Variants in NXN observed in about 807,000 individuals in gnomAD.
NXN encodes nucleoredoxin.
NXN carries 16 observed loss-of-function variants against 48.6 expected under a neutral mutation model. That is an observed-to-expected ratio of 0.33 (90% CI 0.22 to 0.50). The LOEUF (loss-of-function observed/expected upper bound fraction) is 0.50, where lower values mean the gene tolerates loss of function less well. Among genes scored for constraint, NXN ranks in the 20% least tolerant of loss-of-function variants. The pLI is 0.98. For missense variants in NXN, 492 were observed against 605.5 expected (o/e 0.81, Z 1.97); for synonymous variants, 281 against 269.6 (o/e 1.04, Z -0.41).
chr17:924,196 C>T (rs2068775142), intron 1 of NXN, among the ~76,000 whole-genome samples: 1 of 151,812 alleles, frequency 6.6e-6, no homozygotes, highest in Admixed American at 6.6e-5. Flanking sequence ...GTGTGTATCA[C>T]CAAACCCGAC....
In NXN at chr17:917,370, T is replaced by C. The variant is rs184189015; in HGVS notation, c.360+61949A>G. Among the ~76,000 whole-genome samples, 3 of 152,324 alleles carry C rather than the reference T, an allele frequency of 2.0e-5. No homozygotes were observed. In the East Asian group the frequency reaches 5.8e-4, roughly 29 times the overall value. On this transcript the variant is annotated intron_variant, in intron 1 of 7. Transcript: ENST00000336868. The surrounding 1 kb of genome is among the most constrained non-coding windows in gnomAD (Gnocchi z 4.5). ...GTTGGCCAGGCTGGTCTCAATCTCT[T>C]GACCTCGTGATCCGCCTGCCTTGGC...
In NXN at chr17:978,933, C is replaced by G. The variant is rs1024214343; in HGVS notation, c.360+386G>C. On this transcript the variant is annotated intron_variant, in intron 1 of 7. Transcript: ENST00000336868. The surrounding 1 kb of genome is among the most constrained non-coding windows in gnomAD (Gnocchi z 4.1). ...CCTCTGCTCGCGGGTGAAGGGGTCG[C>G]GGAACCGGGATCCCCGAGCGCAGCC... Among the ~76,000 whole-genome samples, 17 of 150,930 alleles carry G rather than the reference C, an allele frequency of 1.1e-4. No individual in the cohort carries two copies. The highest frequency in any genetic ancestry group is 4.1e-4 in the African/African-American group (17 of 41,044).
chr17:808,672 A>C (rs1157765632), intron 5 of NXN, among the ~76,000 whole-genome samples: 5 of 115,200 alleles, frequency 4.3e-5, no homozygotes, highest in African/African-American at 6.1e-5. Flanking sequence ...ATTATTATAA[A>C]CCAGTTTTTT....
At chr17:940,803 C>T (rs555361564) in intron 1 of NXN, among the ~76,000 whole-genome samples, 1 of 151,002 alleles carries the variant, frequency 6.6e-6, no homozygotes, top group East Asian at 1.9e-4. Flanking sequence ...AAATAGATTC[C>T]AGGGTGCAGC....
chr17:967,086 C>T (rs2069314753), intron 1 of NXN, among the ~76,000 whole-genome samples: 1 of 152,098 alleles, frequency 6.6e-6, no homozygotes, highest in African/African-American at 2.4e-5. Context: ...GTAATACACC[C>T]TGATTTTTCT....
chr17:934,181 C>G (rs528366973), intron 1 of NXN, among the ~76,000 whole-genome samples: 2 of 152,078 alleles, frequency 1.3e-5, no homozygotes, highest in African/African-American at 4.8e-5. Context: ...CGCGGTGGCT[C>G]ACGCCTGTAA....
At chr17:955,912 A>AG (rs984456922) in intron 1 of NXN, among the ~76,000 whole-genome samples, 1 of 151,322 alleles carries the variant, frequency 6.6e-6, no homozygotes, top group African/African-American at 2.4e-5. Context: ...AAAAAAAAAA[A>AG]AGAGAGAGAG....
intron 1 of NXN, among the ~76,000 whole-genome samples, chr17:853,723 A>ATTTTTTTT (rs1221156589): frequency 1.9e-5 from 2 of 106,002 alleles, no homozygotes; most frequent in Admixed American, 9.9e-5. Flanking sequence ...ATATATATAT[A>ATTTTTTTT]TTTTTTTTTT....
chr17:853,415 T>G (rs1358411782), intron 1 of NXN, among the ~76,000 whole-genome samples: 1 of 151,870 alleles, frequency 6.6e-6, no homozygotes, highest in Non-Finnish European at 1.5e-5. Flanking sequence ...GCCACTGCCT[T>G]CTAACCTGGC....
rs117970408 is a variant in NXN, at chr17:936,294, C to G, written c.360+43025G>C. 8.0e-3 allele frequency among the ~76,000 whole-genome samples: 1,216 copies of G among 152,070 alleles called. 12 individuals are homozygous for G. Among genetic ancestry groups the G allele is most frequent in the Non-Finnish European group, 0.013 (871 of 67,990 alleles). On this transcript the variant is annotated intron_variant, in intron 1 of 7. Coordinates refer to ENST00000336868, the MANE Select transcript of NXN (RefSeq NM_022463.5). ...ACCAGAAACGTCCCCTGCGACAAAG[C>G]CTTTGGTTTTGCTTTGTGTTCTTCT...
intron 1 of NXN, among the ~76,000 whole-genome samples, chr17:836,101 C>T (rs1218610156): frequency 1.5e-5 from 2 of 132,526 alleles, no homozygotes; most frequent in East Asian, 5.1e-4. Flanking sequence ...CGGTGGGATT[C>T]GTCAGCCCCC....
chr17:888,916 C>T (rs2068378017), intron 1 of NXN, among the ~76,000 whole-genome samples: 2 of 148,854 alleles, frequency 1.3e-5, no homozygotes, highest in South Asian at 4.2e-4. Flanking sequence ...GATCGCACCA[C>T]TGCACTCCAG....
chr17:957,581 A>G (rs12325968), intron 1 of NXN, among the ~76,000 whole-genome samples: 10,989 of 151,576 alleles, frequency 0.072, 1,143 homozygotes, highest in African/African-American at 0.22. Flanking sequence ...GCAGTGAGCC[A>G]AGATCAAGCC....
intron 1 of NXN, among the ~76,000 whole-genome samples, chr17:884,592 GGGCTGGGGACA>G (rs1434364257): frequency 6.6e-6 from 1 of 152,144 alleles, no homozygotes; most frequent in Non-Finnish European, 1.5e-5. Flanking sequence ...AAGGGCCGTT[GGGCTGGGGACA>G]GGCTGGGACG....
At chr17:928,140 A>G (rs930182655) in intron 1 of NXN, among the ~76,000 whole-genome samples, 2 of 152,150 alleles carry the variant, frequency 1.3e-5, no homozygotes, top group Middle Eastern at 3.2e-3. Flanking sequence ...TGCCATAAGC[A>G]TGCGTCACTA....
chr17:890,362 C>A (rs1555619105), intron 1 of NXN, among the ~76,000 whole-genome samples: 1 of 152,178 alleles, frequency 6.6e-6, no homozygotes, highest in Non-Finnish European at 1.5e-5. Flanking sequence ...GATGCACCCA[C>A]AAAGAAAGAA....
chr17:973,646 C>T (rs900836006), intron 1 of NXN, among the ~76,000 whole-genome samples: 2 of 152,108 alleles, frequency 1.3e-5, no homozygotes, highest in Admixed American at 6.5e-5. Context: ...GGTCTTTCTT[C>T]GCAGTTATAA....
chr17:937,070 C>T (rs551782691), intron 1 of NXN, among the ~76,000 whole-genome samples: 25 of 152,038 alleles, frequency 1.6e-4, no homozygotes, highest in African/African-American at 5.8e-4. Flanking sequence ...GCAGCCTTTG[C>T]CTCCCGGGCT....
At chr17:943,307 G>A (rs932168363) in intron 1 of NXN, among the ~76,000 whole-genome samples, 4 of 152,032 alleles carry the variant, frequency 2.6e-5, no homozygotes, top group Admixed American at 6.6e-5. Context: ...ACCCAGGTTC[G>A]AGGACCTCCA....
Sources: gnomAD v4.1 joint callset for allele counts (sites outside exome capture counted in the v4.1 genomes callset) on GRCh38, gnomAD v4.1.1 for gene constraint, Gnocchi (gnomAD v3.1) non-coding constraint, MANE v1.5 for transcripts, NCBI Gene and HGNC (gene_info 2026-07-23, HGNC 2026-07-21) for gene names.